Variants in RFX7 observed in about 807,000 individuals in gnomAD.
RFX7 encodes DNA-binding protein RFX7.
RFX7 carries 26 observed loss-of-function variants against 111.8 expected under a neutral mutation model. That is an observed-to-expected ratio of 0.23 (90% confidence interval 0.17 to 0.32). The LOEUF is 0.32. Ranked by LOEUF, RFX7 falls within the 10% of genes least tolerant of loss-of-function variation. The probability of loss-of-function intolerance (pLI) is 1.00; values close to 1 mark genes in which losing one functional copy is unlikely to be tolerated. For synonymous variants in RFX7, 624 were observed against 624.4 expected, an observed-to-expected ratio of 1.00 and a Z score of 0.01; for missense variants, 1,573 against 1,772.9, an observed-to-expected ratio of 0.89 and a Z score of 2.02.
At position 56,089,281 on chromosome 15, in the gene RFX7, T is replaced by C. The variant is rs1269150846; in HGVS notation, c.*4064A>G. 6.6e-6 allele frequency: 1 copy of C among 152,528 alleles called. No homozygotes were observed. Among genetic ancestry groups the C allele is most frequent in the Admixed American group, 6.6e-5 (1 of 15,248 alleles). 9.4% of individuals were successfully genotyped at this position (152,528 alleles called of 1,614,324 possible). ...TGCTCTTACTATCCTGCTTGGGATG[T>C]TATGAGGGTATAACATCTGAGCTGT... On this transcript the variant is annotated 3_prime_UTR_variant, in exon 10 of 10. Coordinates refer to ENST00000559447, the MANE Select transcript of RFX7 (RefSeq NM_022841.7).
In RFX7 at chr15:56,094,626, T is replaced by G; in HGVS notation, c.3102A>C (p.Ala1034=). 2 of 1,613,964 alleles carry G rather than the reference T, an allele frequency of 1.2e-6. No homozygotes were observed. Among genetic ancestry groups the G allele is most frequent in the South Asian group, 2.2e-5 (2 of 91,066 alleles). The stretch of plus-strand genomic sequence containing the variant: ...TTGAGACAATGCTGGCGTCATGATA[T>G]GCCATACTGGAGCTTATTGGAGTGA... ...FAFTPISSSM[A]YHDASIVSSS... is the part of the protein sequence containing the mutation. The change falls in exon 10 of 10, where the codon GCA becomes GCC. Residue 1034 remains alanine (A), a synonymous_variant. Coordinates refer to ENST00000559447, the MANE Select transcript of RFX7 (RefSeq NM_022841.7).
chr15:56,205,035 C>A (rs1233815439), intron 2 of RFX7, among the ~76,000 whole-genome samples: 1 of 152,120 alleles, frequency 6.6e-6, no homozygotes, highest in Admixed American at 6.5e-5. Flanking sequence ...GAGTATTTTC[C>A]CCTAAGAAAG....
At chr15:56,135,529 G>A (rs1420805567) in intron 5 of RFX7, among the ~76,000 whole-genome samples, 1 of 151,698 alleles carries the variant, frequency 6.6e-6, no homozygotes, top group Non-Finnish European at 1.5e-5. Context: ...TTTGTCAGAT[G>A]AGTAGGTTGT....
intron 5 of RFX7, among the ~76,000 whole-genome samples, chr15:56,119,188 T>C (rs1367158073): frequency 6.6e-6 from 1 of 152,200 alleles, no homozygotes; most frequent in Non-Finnish European, 1.5e-5. Context: ...GCTTTTTAAC[T>C]GCATGTGATC....
At chr15:56,219,631 C>G (rs1359973969) in intron 2 of RFX7, among the ~76,000 whole-genome samples, 2 of 152,140 alleles carry the variant, frequency 1.3e-5, no homozygotes, top group Non-Finnish European at 2.9e-5. Context: ...TTTTCTCTTC[C>G]TGCATTAGTG....
At chr15:56,193,971 C>T (rs1233068297) in intron 2 of RFX7, among the ~76,000 whole-genome samples, 1 of 151,978 alleles carries the variant, frequency 6.6e-6, no homozygotes, top group African/African-American at 2.4e-5. Flanking sequence ...TCCCTTTATT[C>T]AAATTTAAAG....
intron 3 of RFX7, among the ~76,000 whole-genome samples, chr15:56,169,302 C>G (rs1332708918): frequency 6.6e-6 from 1 of 152,200 alleles, no homozygotes; most frequent in Non-Finnish European, 1.5e-5. Flanking sequence ...CTTCAATACT[C>G]TGCCCTCAGT....
intron 7 of RFX7, 44 bp from the exon 8 acceptor site, chr15:56,101,610 G>T (rs752465681): frequency 2.7e-6 from 4 of 1,494,584 alleles, no homozygotes; most frequent in Non-Finnish European, 2.8e-6. Flanking sequence ...AAAGACCAGA[G>T]AAATTAAATT....
chr15:56,227,674 TTG>T (rs1381705066), intron 2 of RFX7, among the ~76,000 whole-genome samples: 5 of 152,204 alleles, frequency 3.3e-5, no homozygotes, highest in African/African-American at 1.2e-4. Flanking sequence ...AATGACACTG[TTG>T]TTATTCATTT....
rs557853885 is a variant in RFX7 at position 56,179,322 on chromosome 15, T to C, written c.162-19A>G. The C allele has an allele frequency of 5.6e-6, 7 of 1,246,900 alleles. No homozygotes were observed. Among genetic ancestry groups the C allele is most frequent in the Non-Finnish European group, 7.4e-6 (7 of 941,898 alleles). The allele number at this position is 1,246,900 out of a possible 1,614,324, so 77.2% of individuals were successfully genotyped here. A position where few individuals can be genotyped will look rare whatever the true frequency, so the allele number is the denominator to read the frequency against. On this transcript the variant is annotated intron_variant, in intron 2 of 9. Coordinates refer to ENST00000559447, the MANE Select transcript of RFX7 (RefSeq NM_022841.7). ...AGTTTTGCTAAAAGAAAGAGAAAGT[T>C]AGGTTAGTAAAATGAAAAGTTTATT... is the stretch of plus-strand genomic sequence containing the variant.
intron 2 of RFX7, among the ~76,000 whole-genome samples, chr15:56,197,504 TGTGATGTGATA>T (rs2043155929): frequency 6.6e-6 from 1 of 152,176 alleles, no homozygotes; most frequent in African/African-American, 2.4e-5. Flanking sequence ...GGATTCCATG[TGTGATGTGATA>T]GTTTTTTTTT....
chr15:56,107,967 A>G (rs2041854350), intron 5 of RFX7, among the ~76,000 whole-genome samples: 1 of 152,244 alleles, frequency 6.6e-6, no homozygotes, highest in African/African-American at 2.4e-5. Context: ...AGAAATGGAA[A>G]AATTCCTGGA....
intron 2 of RFX7, among the ~76,000 whole-genome samples, chr15:56,229,297 G>A (rs11858569): frequency 0.024 from 3,684 of 152,166 alleles, 73 homozygotes; most frequent in Admixed American, 0.042. Flanking sequence ...TTGGAGTCTC[G>A]CTCTGTTGCC....
At chr15:56,107,296 C>CAAAA (rs56077181) in intron 5 of RFX7, among the ~76,000 whole-genome samples, 1,082 of 32,068 alleles carry the variant, frequency 0.034, 176 homozygotes, top group Non-Finnish European at 0.048. Context: ...GACTCCGTCT[C>CAAAA]AAAAAAAAAA....
chr15:56,229,202 G>A (rs144766312), intron 2 of RFX7, among the ~76,000 whole-genome samples: 6 of 152,304 alleles, frequency 3.9e-5, no homozygotes, highest in African/African-American at 1.4e-4. Flanking sequence ...TGAAACTGCA[G>A]ATAATGGGGG....
chr15:56,095,420 C>T lies in RFX7; in HGVS notation c.2308G>A (p.Asp770Asn). Residue 770 changes from aspartate to asparagine, a missense_variant, in exon 10 of 10, where the codon GAT becomes AAT. Asp to Asn is a conservative substitution (Grantham distance 23, BLOSUM62 1). Coordinates refer to ENST00000559447, the MANE Select transcript of RFX7 (RefSeq NM_022841.7). Reference protein sequence around the residue: ...LEGSVFLLDSDSKSVGSFNPN... With the variant: ...LEGSVFLLDSNSKSVGSFNPN... Reference sequence around the variant, plus strand: ...TTAAAGCTGCCAACTGACTTTGAATCACTGTCCAAGAGAAAGACACTTCCT... The same window carrying T: ...TTAAAGCTGCCAACTGACTTTGAATTACTGTCCAAGAGAAAGACACTTCCT... The T allele has an allele frequency of 6.2e-7, 1 of 1,613,114 alleles. No homozygotes were observed.
chr15:56,114,709 A>AT (rs139571450), intron 5 of RFX7, among the ~76,000 whole-genome samples: 2 of 152,162 alleles, frequency 1.3e-5, no homozygotes, highest in Admixed American at 6.5e-5. Flanking sequence ...ATTTATATAT[A>AT]AAAAAACTAT....
intron 5 of RFX7, among the ~76,000 whole-genome samples, chr15:56,137,586 T>C (rs1406891595): frequency 6.6e-6 from 1 of 152,196 alleles, no homozygotes; most frequent in African/African-American, 2.4e-5. Flanking sequence ...GATTAATTTT[T>C]TGAAGGGTTT....
chr15:56,140,760 T>C (rs891280720), intron 5 of RFX7, among the ~76,000 whole-genome samples: 20 of 152,152 alleles, frequency 1.3e-4, no homozygotes, highest in African/African-American at 1.2e-4. Flanking sequence ...ATCCTTTAAC[T>C]TTTTTTAGAA....
Sources: gnomAD v4.1 joint callset for allele counts (sites outside exome capture counted in the v4.1 genomes callset) on GRCh38, gnomAD v4.1.1 for gene constraint, MANE v1.5 for transcripts, NCBI Gene and HGNC (gene_info 2026-07-23, HGNC 2026-07-21) for gene names.